The following PPCS variants were observed in gnomAD, a reference collection of about 807,000 sequenced individuals.
PPCS encodes the protein phosphopantothenoylcysteine synthetase, also known as phosphopantothenate--cysteine ligase.
In PPCS, 17 loss-of-function variants were observed where a neutral mutation model predicts 24.6. The observed-to-expected ratio is 0.69, with a 90% CI of 0.47 to 1.04. PPCS has a LOEUF of 1.04. Among genes scored for constraint, PPCS ranks in the 50% least tolerant of loss-of-function variants. The probability of loss-of-function intolerance (pLI) is 0.00; values close to 1 mark genes in which losing one functional copy is unlikely to be tolerated. For synonymous variants in PPCS, 190 were observed against 168.3 expected, an observed-to-expected ratio of 1.13 and a Z score of -1.00; for missense variants, 360 against 402.8, an observed-to-expected ratio of 0.89 and a Z score of 0.91.
In PPCS at chr1:42,459,761, T is replaced by C. The variant is rs1230508559; in HGVS notation, c.771T>C (p.Ala257=). 3.1e-6 allele frequency: 5 copies of C among 1,614,088 alleles called. No individual in the cohort carries two copies. The Admixed American group carries it at 8.3e-5, about 27-fold the overall frequency. ...TTTATCAGCATCAAGTGGTGGTGGC[T>C]AATATCCTTGAGTCACGACAGTCCT... is the stretch of plus-strand genomic sequence containing the variant. ...LEIYQHQVVV[A]NILESRQSFV... The change falls in exon 3 of 3, where the codon GCT becomes GCC. Residue 257 remains alanine, a synonymous_variant. Coordinates refer to ENST00000372561, the MANE Select transcript of PPCS (RefSeq NM_024664.4).
downstream of PPCS, chr1:42,464,023 T>C (rs1483684464): frequency 6.6e-6 from 1 of 152,294 alleles, no homozygotes; most frequent in Non-Finnish European, 1.5e-5. Flanking sequence ...CTGCACATTA[T>C]TGAATGTCCA....
chr1:42,457,140 T>A (rs1361208451), intron 1 of PPCS, 67 bp downstream of exon 1: 1 of 1,587,738 alleles, frequency 6.3e-7, no homozygotes, highest in African/African-American at 1.3e-5. Flanking sequence ...CTTATCCCCT[T>A]ACCTCCTGCT....
chr1:42,471,805 A>G (rs1340822390), intron 2 of PPCS, among the ~76,000 whole-genome samples: 1 of 152,188 alleles, frequency 6.6e-6, no homozygotes, highest in African/African-American at 2.4e-5. Flanking sequence ...ACCATTTATC[A>G]TCTATAAATA....
intron 2 of PPCS, among the ~76,000 whole-genome samples, chr1:42,472,555 A>G (rs1038142404): frequency 6.6e-6 from 1 of 152,208 alleles, no homozygotes; most frequent in Admixed American, 6.5e-5. Flanking sequence ...AATAAAAGGA[A>G]CAAAGACTTC....
chr1:42,459,406 C>T, intron 2 of PPCS, 197 bp from the exon 3 acceptor site: 1 of 590,252 alleles, frequency 1.7e-6, no homozygotes. Context: ...AGCGATCCAC[C>T]CATCCTGGCC....
downstream of PPCS, among the ~76,000 whole-genome samples, chr1:42,465,203 C>G (rs1379083795): frequency 6.6e-6 from 1 of 152,144 alleles, no homozygotes; most frequent in African/African-American, 2.4e-5. Flanking sequence ...CCTGGCTACT[C>G]TGGAGGCTGA....
At position 42,472,535 on chromosome 1, in the gene PPCS, C is replaced by T. The variant is rs1253384665; in HGVS notation, n.378-587C>T. On this transcript the variant is annotated intron_variant and non_coding_transcript_variant, in intron 2 of 2. Transcript: ENST00000471420. ...AGCTTCCAGAGGAATCCTTTTATTT[C>T]TAAATATGCAATAAAAGGAACAAAG... Among the ~76,000 whole-genome samples, 4 of 152,002 alleles carry T rather than the reference C, an allele frequency of 2.6e-5. No homozygotes were observed. The East Asian group carries it at 7.7e-4, about 29-fold the overall frequency.
rs114851026 is a variant in PPCS, at chr1:42,460,927, G to T, written c.*1001G>T. Among the ~76,000 whole-genome samples the T allele has an allele frequency of 3.9e-5, 6 of 152,192 alleles. No homozygotes were observed. The East Asian group carries it at 9.6e-4, about 24-fold the overall frequency. On this transcript the variant is annotated 3_prime_UTR_variant, in exon 3 of 3. Transcript: ENST00000372561. Reference sequence around the variant, plus strand: ...CTTAGCAAAGCAGTGTTACACCACTGCCCTGCTTAATCTTTGAATCCTTGA... The same window carrying T: ...CTTAGCAAAGCAGTGTTACACCACTTCCCTGCTTAATCTTTGAATCCTTGA...
downstream of PPCS, among the ~76,000 whole-genome samples, chr1:42,466,030 T>C (rs985173372): frequency 2.6e-5 from 4 of 152,260 alleles, no homozygotes; most frequent in Admixed American, 6.5e-5. Context: ...TTGAAAAAAG[T>C]ATACTAATTT....
chr1:42,470,076 A>G (rs1021908224), intron 2 of PPCS, among the ~76,000 whole-genome samples: 1 of 152,182 alleles, frequency 6.6e-6, no homozygotes, highest in African/African-American at 2.4e-5. Flanking sequence ...GAGATTTGCA[A>G]GGAAGGTGGG....
At chr1:42,459,574 C>T (rs1206014396) in intron 2 of PPCS, 29 bp from the exon 3 acceptor site, 4 of 1,584,490 alleles carry the variant, frequency 2.5e-6, no homozygotes, top group East Asian at 2.2e-5. Context: ...CCATTGTTTG[C>T]TTATTAAGCT....
rs925161690 is a variant in PPCS, at chr1:42,460,030, A to C, written c.*104A>C. 7.6e-6 allele frequency: 11 copies of C among 1,449,834 alleles called. No individual in the cohort carries two copies. In the African/African-American group the frequency reaches 1.4e-4, roughly 19 times the overall value. 89.8% of individuals were successfully genotyped at this position (1,449,834 alleles called of 1,614,324 possible). ...CATATGGACAGATAAAATGAAAGAA[A>C]GGGAAAAGGCAGTGGTGTGTAGGCA... On this transcript the variant is annotated 3_prime_UTR_variant, in exon 3 of 3. Transcript: ENST00000372561.
chr1:42,472,420 G>T (rs945019916), intron 2 of PPCS, among the ~76,000 whole-genome samples: 3 of 152,156 alleles, frequency 2.0e-5, no homozygotes, highest in Admixed American at 1.3e-4. Context: ...TTGCAGAAAA[G>T]AACTGAATTA....
In PPCS at chr1:42,456,561, T is replaced by C. The variant is rs777279599; in HGVS notation, c.-5T>C. 1.0e-5 allele frequency: 15 copies of C among 1,470,128 alleles called. No homozygotes were observed. The highest frequency in any genetic ancestry group is 1.4e-5 in the South Asian group (1 of 71,562). 91.1% of individuals were successfully genotyped at this position (1,470,128 alleles called of 1,614,324 possible). On this transcript the variant is annotated 5_prime_UTR_variant, in exon 1 of 3. Coordinates refer to ENST00000372561, the MANE Select transcript of PPCS (RefSeq NM_024664.4). Reference sequence around the variant, plus strand: ...CGTGCGCAGGCGCCGGCCGCTGCGCTGCAGATGGCGGAAATGGATCCGGTA... The same window carrying C: ...CGTGCGCAGGCGCCGGCCGCTGCGCCGCAGATGGCGGAAATGGATCCGGTA...
In PPCS at chr1:42,461,156, T is replaced by A. The variant is rs756202469; in HGVS notation, c.*1230T>A. Among the ~76,000 whole-genome samples the A allele has an allele frequency of 3.3e-5, 5 of 152,218 alleles. No individual in the cohort carries two copies. Among genetic ancestry groups the A allele is most frequent in the Non-Finnish European group, 7.3e-5 (5 of 68,030 alleles). ...GACTTAAAATACAATTCATGGTGTT[T>A]CATGGAGTAGGGAAGGGTAGCCCCT... On this transcript the variant is annotated 3_prime_UTR_variant, in exon 3 of 3. Coordinates refer to ENST00000372561, the MANE Select transcript of PPCS (RefSeq NM_024664.4).
At chr1:42,469,028 A>G (rs1241545061) in intron 2 of PPCS, among the ~76,000 whole-genome samples, 4 of 152,128 alleles carry the variant, frequency 2.6e-5, no homozygotes, top group African/African-American at 9.7e-5. Context: ...AATTAAAAAA[A>G]AAAAAACTTT....
At chr1:42,459,380 T>A (rs1435623559) in intron 2 of PPCS, 3 of 544,642 alleles carry the variant, frequency 5.5e-6, no homozygotes, top group Non-Finnish European at 6.5e-6. Flanking sequence ...CCCAGGCTGG[T>A]CTTGAACTGG....
chr1:42,456,420 C>T (rs1643182239), upstream of PPCS: 7 of 901,896 alleles, frequency 7.8e-6, no homozygotes, highest in South Asian at 9.3e-5. Flanking sequence ...TACGCATTTC[C>T]AGACTTGGCG....
chr1:42,470,137 C>T lies in PPCS; in HGVS notation n.378-2985C>T, dbSNP rs114629722. On this transcript the variant is annotated intron_variant and non_coding_transcript_variant, in intron 2 of 2. Coordinates refer to the PPCS transcript ENST00000471420. ...GTTGGTGAAGGATTGAAATGATCAA[C>T]AGTTGGGTTTAGGCTTGAGGGGCAA... Among the ~76,000 whole-genome samples the T allele has an allele frequency of 5.9e-3, 896 of 152,210 alleles. 9 individuals carry two copies. Among genetic ancestry groups the T allele is most frequent in the African/African-American group, 0.02 (826 of 41,520 alleles).
Sources: gnomAD v4.1 joint callset for allele counts (sites outside exome capture counted in the v4.1 genomes callset) on GRCh38, gnomAD v4.1.1 for gene constraint, MANE v1.5 for transcripts, NCBI Gene and HGNC (gene_info 2026-07-23, HGNC 2026-07-21) for gene names.